Variants in PTPRN2 observed in about 807,000 individuals in gnomAD.
PTPRN2 encodes receptor-type tyrosine-protein phosphatase N2.
A neutral mutation model predicts 118.8 loss-of-function variants in PTPRN2; 74 were observed. The ratio of observed to expected loss-of-function variants is 0.62; its 90% CI spans 0.52 to 0.76. The LOEUF (loss-of-function observed/expected upper bound fraction) is 0.76, where lower values mean the gene tolerates loss of function less well. Ranked by LOEUF, PTPRN2 falls within the 30% of genes least tolerant of loss-of-function variation. The pLI is 0.00. For synonymous variants in PTPRN2, 641 were observed against 608.0 expected, an observed-to-expected ratio of 1.05 and a Z score of -0.80; for missense variants, 1,481 against 1,394.4, an observed-to-expected ratio of 1.06 and a Z score of -0.99.
At chr7:158,145,942 C>A (rs1819930137) in intron 6 of PTPRN2, among the ~76,000 whole-genome samples, 1 of 152,178 alleles carries the variant, frequency 6.6e-6, no homozygotes, top group Non-Finnish European at 1.5e-5. Context: ...CCTCAGTTTC[C>A]ATATCTGTAA....
chr7:157,543,063 G>A lies in PTPRN2; in HGVS notation c.2977-2278C>T, dbSNP rs11768104. Reference sequence around the variant, plus strand: ...CCTAGAACCATGCTCTAGATCCCGGGTAGGCTGGGAAAACCCCAGCATTTG... The same window carrying A: ...CCTAGAACCATGCTCTAGATCCCGGATAGGCTGGGAAAACCCCAGCATTTG... On this transcript the variant is annotated intron_variant, in intron 22 of 22. Coordinates refer to ENST00000389418, the MANE Select transcript of PTPRN2 (RefSeq NM_002847.5). 3.0e-3 allele frequency among the ~76,000 whole-genome samples: 463 copies of A among 152,204 alleles called. 2 individuals carry two copies. Among genetic ancestry groups the A allele is most frequent in the African/African-American group, 0.011 (441 of 41,522 alleles).
intron 2 of PTPRN2, among the ~76,000 whole-genome samples, chr7:158,395,334 GAGGCGCGAGGGGCC>G (rs1812298493): frequency 1.1e-5 from 1 of 92,206 alleles, no homozygotes; most frequent in African/African-American, 4.5e-5. Context: ...GGCGAGGGGC[GAGGCGCGAGGGGCC>G]AGGGGCCAGG....
At chr7:157,791,870 C>T (rs74628326) in intron 12 of PTPRN2, among the ~76,000 whole-genome samples, 16,192 of 152,286 alleles carry the variant, frequency 0.11, 929 homozygotes, top group Middle Eastern at 0.14. Context: ...TCGGAGCGCA[C>T]CCAAGAGGGC....
chr7:158,009,791 C>A (rs2128867758), intron 11 of PTPRN2, among the ~76,000 whole-genome samples: 1 of 152,204 alleles, frequency 6.6e-6, no homozygotes, highest in East Asian at 1.9e-4. Flanking sequence ...CGAGGTAACA[C>A]CAACCAAGCA....
intron 11 of PTPRN2, among the ~76,000 whole-genome samples, chr7:157,934,395 T>G (rs1323231443): frequency 1.3e-5 from 2 of 152,222 alleles, no homozygotes; most frequent in Non-Finnish European, 2.9e-5. Flanking sequence ...TGTGGGCAAC[T>G]TATCTTTTAT....
rs535404146 is a variant in PTPRN2 at position 158,546,420 on chromosome 7, G to A, written c.112+41138C>T. Reference sequence around the variant, plus strand: ...CAGAGTCCTTTGGGCACCACAGCCCGGAATGGTGCTGGAATCACAGCCGCC... The same window carrying A: ...CAGAGTCCTTTGGGCACCACAGCCCAGAATGGTGCTGGAATCACAGCCGCC... On this transcript the variant is annotated intron_variant, in intron 1 of 22. Transcript: ENST00000389418. The surrounding 1 kb of genome is among the most constrained non-coding windows in gnomAD (Gnocchi z 5.0). 1.8e-4 allele frequency among the ~76,000 whole-genome samples: 28 copies of A among 152,212 alleles called. No individual in the cohort carries two copies. The highest frequency in any genetic ancestry group is 3.4e-4 in the Non-Finnish European group (23 of 68,020).
rs75391892 is a variant in PTPRN2 at position 158,252,190 on chromosome 7, G to A, written c.278-46917C>T. The stretch of plus-strand genomic sequence containing the variant: ...AGCTGCTTGGAGTGGGTGGGAACGC[G>A]AGAGCACTTGAGCACCAGTGGCCTG... On this transcript the variant is annotated intron_variant, in intron 3 of 22. Coordinates refer to ENST00000389418, the MANE Select transcript of PTPRN2 (RefSeq NM_002847.5). Among the ~76,000 whole-genome samples the A allele has an allele frequency of 5.2e-3, 795 of 152,264 alleles. 5 individuals carry two copies. Among genetic ancestry groups the A allele is most frequent in the African/African-American group, 0.018 (744 of 41,552 alleles).
intron 5 of PTPRN2, among the ~76,000 whole-genome samples, chr7:158,188,334 G>GT (rs560073318): frequency 2.0e-4 from 11 of 54,564 alleles, no homozygotes; most frequent in African/African-American, 3.6e-4. Context: ...CTCGCCCCCT[G>GT]ATGGGGAAGG....
rs1245509489 is a variant in PTPRN2 at position 158,517,555 on chromosome 7, T to A, written c.113-27770A>T. Reference sequence around the variant, plus strand: ...CACTGGCCTCGCTGCCCCTCTGCAATCTCCTCCAACAGCCGCCAGGATCAT... The same window carrying A: ...CACTGGCCTCGCTGCCCCTCTGCAAACTCCTCCAACAGCCGCCAGGATCAT... On this transcript the variant is annotated intron_variant, in intron 1 of 22. Transcript: ENST00000389418. The surrounding 1 kb of genome is among the most constrained non-coding windows in gnomAD (Gnocchi z 5.3). 6.6e-6 allele frequency among the ~76,000 whole-genome samples: 1 copy of A among 151,284 alleles called. No homozygotes were observed. Among genetic ancestry groups the A allele is most frequent in the Non-Finnish European group, 1.5e-5 (1 of 67,878 alleles).
At chr7:157,654,132 C>CCA (rs1399078803) in intron 14 of PTPRN2, among the ~76,000 whole-genome samples, 1 of 80,894 alleles carries the variant, frequency 1.2e-5, no homozygotes, top group African/African-American at 4.9e-5. Flanking sequence ...CAACTCCACA[C>CCA]TGCCCGCCAC....
At chr7:157,912,789 T>G (rs1798173150) in intron 11 of PTPRN2, among the ~76,000 whole-genome samples, 1 of 152,228 alleles carries the variant, frequency 6.6e-6, no homozygotes, top group Admixed American at 6.5e-5. Flanking sequence ...TCAACCCTGT[T>G]ATCAATCAGT....
At chr7:158,069,746 C>T (rs1366571897) in intron 11 of PTPRN2, among the ~76,000 whole-genome samples, 1 of 152,258 alleles carries the variant, frequency 6.6e-6, no homozygotes, top group Non-Finnish European at 1.5e-5. Flanking sequence ...ATCTTTCCCA[C>T]TCCAGGCATT....
At chr7:157,728,410 C>T (rs1303265253) in intron 12 of PTPRN2, among the ~76,000 whole-genome samples, 4 of 152,248 alleles carry the variant, frequency 2.6e-5, no homozygotes, top group African/African-American at 4.8e-5. Flanking sequence ...TCTGACAGGG[C>T]TCCTGGCGCC....
At chr7:157,872,038 CGCCTCCCCACACACACCCAGT>C (rs1563193141) in intron 12 of PTPRN2, among the ~76,000 whole-genome samples, 1 of 121,984 alleles carries the variant, frequency 8.2e-6, no homozygotes. Context: ...ACATACCCAG[CGCCTCCCCACACACACCCAGT>C]GTCCTCCCCA....
chr7:158,500,750 G>A (rs533364831), intron 1 of PTPRN2, among the ~76,000 whole-genome samples: 75 of 152,376 alleles, frequency 4.9e-4, no homozygotes, highest in African/African-American at 1.8e-3. Context: ...GACCAGGGCT[G>A]TTAAACGCCA....
intron 2 of PTPRN2, among the ~76,000 whole-genome samples, chr7:158,418,471 G>A (rs920051104): frequency 2.0e-5 from 3 of 150,616 alleles, no homozygotes; most frequent in Non-Finnish European, 3.0e-5. Flanking sequence ...TTAAGTCATG[G>A]TGTACTACAT....
chr7:158,333,080 T>C (rs1422067403), intron 2 of PTPRN2, among the ~76,000 whole-genome samples: 8 of 74,570 alleles, frequency 1.1e-4, no homozygotes, highest in Admixed American at 2.7e-4. Context: ...CACCTGCAAA[T>C]GTCACTCACA....
intron 3 of PTPRN2, among the ~76,000 whole-genome samples, chr7:158,262,921 AC>A (rs1422475685): frequency 7.0e-6 from 1 of 143,078 alleles, no homozygotes; most frequent in East Asian, 2.0e-4. Flanking sequence ...CACTGCACAC[AC>A]ATTCACACAC....
At position 158,460,754 on chromosome 7, in the gene PTPRN2, T is replaced by C. The variant is rs546939773; in HGVS notation, c.163+28981A>G. On this transcript the variant is annotated intron_variant, in intron 2 of 22. Coordinates refer to ENST00000389418, the MANE Select transcript of PTPRN2 (RefSeq NM_002847.5). The stretch of plus-strand genomic sequence containing the variant: ...AAGTCAAGCCATGGCCCCAGCTCCC[T>C]TCCTCAACCATCGTTCATGATCGAG... Among the ~76,000 whole-genome samples the C allele has an allele frequency of 2.0e-5, 3 of 152,378 alleles. No homozygotes were observed. The South Asian group carries it at 6.2e-4, about 32-fold the overall frequency.
Sources: gnomAD v4.1 joint callset for allele counts (sites outside exome capture counted in the v4.1 genomes callset) on GRCh38, gnomAD v4.1.1 for gene constraint, Gnocchi (gnomAD v3.1) non-coding constraint, MANE v1.5 for transcripts, NCBI Gene and HGNC (gene_info 2026-07-23, HGNC 2026-07-21) for gene names.